FGF12: variants seen among roughly 807,000 people sequenced by gnomAD.
The protein encoded by FGF12 is fibroblast growth factor 12B.
A neutral mutation model predicts 23.6 loss-of-function variants in FGF12; 14 were observed. The observed-to-expected ratio is 0.59, with a 90% CI of 0.39 to 0.93. FGF12 has a LOEUF of 0.93. Ranked by LOEUF, FGF12 falls within the 40% of genes least tolerant of loss-of-function variation. The pLI is 0.00. For missense variants in FGF12, 175 were observed against 217.8 expected, an observed-to-expected ratio of 0.80 and a Z score of 1.24; for synonymous variants, 62 against 77.3, an observed-to-expected ratio of 0.80 and a Z score of 1.04.
chr3:192,486,086 C>T lies in FGF12; in HGVS notation c.14-125548G>A, dbSNP rs192866967. 2.0e-5 allele frequency among the ~76,000 whole-genome samples: 3 copies of T among 152,108 alleles called. No individual in the cohort carries two copies. In the East Asian group the frequency reaches 5.8e-4, roughly 29 times the overall value. ...TACCTAAGTTCGAGGAACACTGCTC[C>T]AGAAGATCTAGGTCCAAAGAATACA... On this transcript the variant is annotated intron_variant, in intron 2 of 5. Transcript: ENST00000445105.
chr3:192,486,227 G>A (rs1723628818), intron 2 of FGF12, among the ~76,000 whole-genome samples: 1 of 152,096 alleles, frequency 6.6e-6, no homozygotes, highest in Admixed American at 6.6e-5. Context: ...ATATATCAAT[G>A]AGCAAGACAG....
In FGF12 at chr3:192,462,991, T is replaced by C. The variant is rs116027312; in HGVS notation, c.14-102453A>G. ...ATATGAAACCATGCTCATGCTATTG[T>C]GTCAAGTGAAAAGAGCAAGCTGGAA... is the stretch of plus-strand genomic sequence containing the variant. On this transcript the variant is annotated intron_variant, in intron 2 of 5. Coordinates refer to ENST00000445105, the MANE Select transcript of FGF12 (RefSeq NM_004113.6). Among the ~76,000 whole-genome samples, 471 of 152,312 alleles carry C rather than the reference T, an allele frequency of 3.1e-3. 3 individuals carry two copies. The highest frequency in any genetic ancestry group is 0.011 in the African/African-American group (464 of 41,562).
At chr3:192,556,385 A>G (rs1188965602) in intron 2 of FGF12, among the ~76,000 whole-genome samples, 1 of 152,222 alleles carries the variant, frequency 6.6e-6, no homozygotes. Flanking sequence ...TATTTAAGGC[A>G]AAATAGACTT....
chr3:192,540,524 T>C (rs1725339445), intron 2 of FGF12, among the ~76,000 whole-genome samples: 1 of 152,178 alleles, frequency 6.6e-6, no homozygotes, highest in South Asian at 2.1e-4. Flanking sequence ...ACTTCCAATT[T>C]TTTTAATGTT....
chr3:192,315,739 T>A (rs74835184), intron 4 of FGF12, among the ~76,000 whole-genome samples: 5,490 of 151,784 alleles, frequency 0.036, 322 homozygotes, highest in African/African-American at 0.13. Flanking sequence ...AGACAGGAGA[T>A]CTTTTGGAAA....
At chr3:192,399,966 G>C (rs1191492444) in intron 2 of FGF12, among the ~76,000 whole-genome samples, 5 of 152,194 alleles carry the variant, frequency 3.3e-5, no homozygotes, top group Non-Finnish European at 5.9e-5. Flanking sequence ...GCCACCCTCA[G>C]GATACCCAAC....
intron 4 of FGF12, among the ~76,000 whole-genome samples, chr3:192,249,485 G>A (rs1318326831): frequency 2.0e-5 from 3 of 152,096 alleles, no homozygotes; most frequent in Non-Finnish European, 4.4e-5. Flanking sequence ...ACAGTCAGTA[G>A]GGTCTTGAAT....
chr3:192,404,657 G>C (rs1325296501), intron 2 of FGF12, among the ~76,000 whole-genome samples: 1 of 152,186 alleles, frequency 6.6e-6, no homozygotes, highest in African/African-American at 2.4e-5. Flanking sequence ...TCATTAGAAA[G>C]TGCACAAACA....
Position 192,363,654 on chromosome 3 carries a change from C to G in FGF12, c.14-3116G>C, listed in dbSNP as rs142831963. ...GAGTGGCATCTTGTATGTCTATTAC[C>G]ATCGATCAAGTCCTACCAACCTTTC... On this transcript the variant is annotated intron_variant, in intron 2 of 5. Coordinates refer to ENST00000445105, the MANE Select transcript of FGF12 (RefSeq NM_004113.6). Among the ~76,000 whole-genome samples, 7 of 152,112 alleles carry G rather than the reference C, an allele frequency of 4.6e-5. No individual in the cohort carries two copies. In the East Asian group the frequency reaches 1.4e-3, roughly 29 times the overall value.
At chr3:192,150,834 T>A (rs986137846) in intron 5 of FGF12, among the ~76,000 whole-genome samples, 1 of 140,828 alleles carries the variant, frequency 7.1e-6, no homozygotes, top group African/African-American at 2.6e-5. Flanking sequence ...TTAAAGTAGT[T>A]TTTTCCAATT....
chr3:192,301,108 C>A (rs1235023995), intron 4 of FGF12, among the ~76,000 whole-genome samples: 1 of 151,746 alleles, frequency 6.6e-6, no homozygotes, highest in Non-Finnish European at 1.5e-5. Flanking sequence ...ATAAGGAAAA[C>A]ACAATGAGGT....
chr3:192,402,007 G>T (rs1398552728), intron 2 of FGF12, among the ~76,000 whole-genome samples: 1 of 152,176 alleles, frequency 6.6e-6, no homozygotes, highest in African/African-American at 2.4e-5. Flanking sequence ...GAGGTGCAAA[G>T]ATATTAAGAA....
intron 5 of FGF12, 119 bp from the exon 6 acceptor site, chr3:192,144,246 T>C (rs1427996115): frequency 1.6e-6 from 1 of 620,032 alleles, no homozygotes. Context: ...CTTCTCATTA[T>C]AAAAAAACAG....
intron 2 of FGF12, among the ~76,000 whole-genome samples, chr3:192,620,231 T>TAC (rs1428643531): frequency 2.1e-4 from 18 of 86,530 alleles, no homozygotes; most frequent in African/African-American, 3.8e-4. Context: ...CAAGATCAAT[T>TAC]ACACACACAC....
intron 4 of FGF12, among the ~76,000 whole-genome samples, chr3:192,255,484 T>G (rs1712325804): frequency 6.6e-6 from 1 of 151,984 alleles, no homozygotes. Flanking sequence ...AAATTATCAA[T>G]GCACAGTAGG....
At chr3:192,687,076 G>A (rs921455184) in intron 2 of FGF12, among the ~76,000 whole-genome samples, 8 of 150,118 alleles carry the variant, frequency 5.3e-5, no homozygotes, top group Non-Finnish European at 7.4e-5. Flanking sequence ...TGATCTGCCC[G>A]CCTTGGCCTC....
chr3:192,154,689 G>A (rs1433998763), intron 5 of FGF12, among the ~76,000 whole-genome samples: 3 of 141,442 alleles, frequency 2.1e-5, no homozygotes, highest in East Asian at 2.0e-4. Flanking sequence ...CTCCAGCTGC[G>A]TGCTGGGAGA....
chr3:192,280,564 G>A (rs527465651), intron 4 of FGF12, among the ~76,000 whole-genome samples: 29 of 152,200 alleles, frequency 1.9e-4, no homozygotes, highest in African/African-American at 5.1e-4. Context: ...TATCTGACAT[G>A]ATTTAGGCAC....
chr3:192,722,011 T>C (rs905824958), intron 2 of FGF12, among the ~76,000 whole-genome samples: 2 of 152,144 alleles, frequency 1.3e-5, no homozygotes, highest in African/African-American at 2.4e-5. Flanking sequence ...TGTTCATATA[T>C]CCCTACATTG....
Sources: gnomAD v4.1 joint callset for allele counts (sites outside exome capture counted in the v4.1 genomes callset) on GRCh38, gnomAD v4.1.1 for gene constraint, MANE v1.5 for transcripts, NCBI Gene and HGNC (gene_info 2026-07-23, HGNC 2026-07-21) for gene names.